ZNG1A: variants seen among roughly 807,000 people sequenced by gnomAD.
The protein encoded by ZNG1A is Zn regulated GTPase metalloprotein activator 1A, also known as zinc-regulated GTPase metalloprotein activator 1A.
chr9:174,838 CTA>C, the ZNG1A span, among the ~76,000 whole-genome samples: 1 of 150,640 alleles, frequency 6.6e-6, no homozygotes, highest in African/African-American at 2.5e-5. Context: ...AGTATTGTGT[CTA>C]GAGCTATTTT....
the ZNG1A span, among the ~76,000 whole-genome samples, chr9:157,282 G>T: frequency 2.1e-3 from 313 of 147,012 alleles, 4 homozygotes; most frequent in South Asian, 0.023. Context: ...AAGCTTTGTT[G>T]TCTGTTTTTT....
the ZNG1A span, chr9:160,038 T>G: frequency 2.2e-6 from 1 of 454,494 alleles, no homozygotes; most frequent in Non-Finnish European, 4.4e-6. Flanking sequence ...TCTATTGCAT[T>G]AAATGCTGTC....
chr9:155,467 C>A, the ZNG1A span, among the ~76,000 whole-genome samples: 1 of 151,730 alleles, frequency 6.6e-6, no homozygotes, highest in Non-Finnish European at 1.5e-5. Flanking sequence ...AGGATATTGC[C>A]CAAATGTCTT....
chr9:124,087 C>G, the ZNG1A span, among the ~76,000 whole-genome samples: 1 of 152,256 alleles, frequency 6.6e-6, no homozygotes, highest in African/African-American at 2.4e-5. Context: ...CCCTCTTTGG[C>G]TTTAGTAAGG....
the ZNG1A span, chr9:175,575 T>C: frequency 1.1e-6 from 1 of 914,588 alleles, no homozygotes; most frequent in Non-Finnish European, 1.7e-6. Context: ...CCAACTTTTC[T>C]AAAGCTATCC....
chr9:158,260 G>A, the ZNG1A span, among the ~76,000 whole-genome samples: 3 of 151,286 alleles, frequency 2.0e-5, no homozygotes, highest in East Asian at 1.9e-4. Flanking sequence ...CCTGTTGTGG[G>A]GATACATAAA....
the ZNG1A span, chr9:149,408 T>C: frequency 6.6e-6 from 1 of 151,958 alleles, no homozygotes; most frequent in Non-Finnish European, 1.5e-5. Context: ...ATCTTCCTTA[T>C]ACCTGGAAAG....
the ZNG1A span, among the ~76,000 whole-genome samples, chr9:127,488 G>T: frequency 3.9e-5 from 6 of 152,128 alleles, no homozygotes; most frequent in African/African-American, 1.4e-4. Context: ...TCTAATATAA[G>T]AATGGCTACT....
chr9:178,346 G>A, the ZNG1A span, among the ~76,000 whole-genome samples: 6 of 152,044 alleles, frequency 3.9e-5, no homozygotes, highest in African/African-American at 1.4e-4. Context: ...CTGGCTGGAG[G>A]ACTCTGGCTC....
the ZNG1A span, chr9:148,105 C>T: frequency 7.8e-6 from 1 of 128,786 alleles, no homozygotes; most frequent in Non-Finnish European, 1.6e-5. Flanking sequence ...ATGAAGTTTC[C>T]CTCCAAGTTT....
the ZNG1A span, among the ~76,000 whole-genome samples, chr9:141,010 A>G: frequency 3.6e-5 from 5 of 137,288 alleles, no homozygotes; most frequent in Admixed American, 7.5e-5. Flanking sequence ...AAAAAGAAAC[A>G]AACAAAGCCT....
the ZNG1A span, among the ~76,000 whole-genome samples, chr9:152,762 A>G: frequency 6.8e-6 from 1 of 146,046 alleles, no homozygotes; most frequent in Non-Finnish European, 1.5e-5. Flanking sequence ...TCAATCATCA[A>G]TTCTCTATCA....
the ZNG1A span, among the ~76,000 whole-genome samples, chr9:156,054 C>T: frequency 4.7e-5 from 7 of 150,486 alleles, no homozygotes; most frequent in Admixed American, 1.3e-4. Flanking sequence ...GCAGGAGAAT[C>T]GCTTGAACCT....
the ZNG1A span, among the ~76,000 whole-genome samples, chr9:127,055 T>C: frequency 6.6e-6 from 1 of 152,192 alleles, no homozygotes; most frequent in Non-Finnish European, 1.5e-5. Context: ...CTTGATATAA[T>C]TTTAATTTTC....
the ZNG1A span, chr9:149,994 C>G: frequency 6.6e-6 from 1 of 150,710 alleles, no homozygotes. Context: ...TTTTTCTACA[C>G]ATGCTTATAG....
chr9:172,237 C>A, the ZNG1A span: 1 of 1,592,828 alleles, frequency 6.3e-7, no homozygotes, highest in African/African-American at 1.3e-5. Flanking sequence ...TTATTATAAA[C>A]ACTTTAAAAT....
At chr9:126,834 C>T in the ZNG1A span, among the ~76,000 whole-genome samples, 1 of 152,020 alleles carries the variant, frequency 6.6e-6, no homozygotes, top group Non-Finnish European at 1.5e-5. Context: ...GGCCGTGAAC[C>T]TTCCTCTTAG....
chr9:122,413 T>C, the ZNG1A span: 1 of 1,160,926 alleles, frequency 8.6e-7, no homozygotes, highest in South Asian at 2.1e-5. Context: ...GAAATATGTA[T>C]CATATCCTAT....
At chr9:137,555 T>C in the ZNG1A span, among the ~76,000 whole-genome samples, 3 of 152,036 alleles carry the variant, frequency 2.0e-5, no homozygotes, top group East Asian at 5.8e-4. Context: ...ACAGCACTGA[T>C]AGTCAAATGA....
Sources: gnomAD v4.1 joint callset for allele counts (sites outside exome capture counted in the v4.1 genomes callset) on GRCh38, gnomAD v4.1.1 for gene constraint, MANE v1.5 for transcripts, NCBI Gene and HGNC (gene_info 2026-07-23, HGNC 2026-07-21) for gene names.